HSP90B1: variants seen among roughly 807,000 people sequenced by gnomAD.
HSP90B1 encodes endoplasmin.
HSP90B1 carries 27 observed loss-of-function variants against 100.4 expected under a neutral mutation model. The observed-to-expected ratio is 0.27, with a 90% confidence interval of 0.20 to 0.37. The LOEUF is 0.37. HSP90B1 is among the 10% of genes least tolerant of loss of function. The pLI, the probability that HSP90B1 is intolerant of heterozygous loss-of-function variation, is 1.00. For missense variants in HSP90B1, 678 were observed against 960.5 expected (o/e 0.71, Z 3.89); for synonymous variants, 304 against 330.8 (o/e 0.92, Z 0.88).
rs774276560 is a variant in HSP90B1, at chr12:103,941,789, C to T, written c.1309-43C>T. On this transcript the variant is annotated intron_variant, in intron 10 of 17. Coordinates refer to ENST00000299767, the MANE Select transcript of HSP90B1 (RefSeq NM_003299.3). ...GTGTTTGTTTGGCTTTGCTTTCTTCCAGTGGTTTTATTGCTCACTGAACTT... is the reference window on the plus strand; with the variant it reads ...GTGTTTGTTTGGCTTTGCTTTCTTCTAGTGGTTTTATTGCTCACTGAACTT... 11 of 1,604,208 alleles carry T rather than the reference C, an allele frequency of 6.9e-6. No homozygotes were observed. In the African/African-American group the frequency reaches 1.5e-4, roughly 21 times the overall value.
chr12:103,941,994 T>G, intron 11 of HSP90B1, 97 bp downstream of exon 11: 1 of 862,132 alleles, frequency 1.2e-6, no homozygotes. Context: ...TTGGGTCTGG[T>G]CCATGATTCT....
chr12:103,932,781 C>CA, intron 3 of HSP90B1, 45 bp from the exon 4 acceptor site: 1 of 962,190 alleles, frequency 1.0e-6, no homozygotes, highest in South Asian at 1.3e-5. Flanking sequence ...TATCTTAATG[C>CA]ATCTTGAGGA....
At chr12:103,936,622 CAAAAAAAAAAAA>C (rs10611658) in intron 5 of HSP90B1, among the ~76,000 whole-genome samples, 2 of 116,824 alleles carry the variant, frequency 1.7e-5, no homozygotes, top group African/African-American at 3.2e-5. Context: ...GACAGAGGTC[CAAAAAAAAAAAA>C]AAAAAAAAAA....
chr12:103,945,240 G>A (rs1049445384), intron 14 of HSP90B1, among the ~76,000 whole-genome samples: 4 of 152,134 alleles, frequency 2.6e-5, no homozygotes, highest in Admixed American at 6.5e-5. Context: ...AGAGTTCGAG[G>A]CTGTAGTGTG....
At chr12:103,940,697 CA>C in intron 8 of HSP90B1, among the ~76,000 whole-genome samples, 1 of 151,870 alleles carries the variant, frequency 6.6e-6, no homozygotes, top group South Asian at 2.1e-4. Flanking sequence ...AGAAGCCATA[CA>C]AAAAAAGGAA....
At chr12:103,946,326 A>G (rs1870229428) in intron 14 of HSP90B1, among the ~76,000 whole-genome samples, 1 of 152,164 alleles carries the variant, frequency 6.6e-6, no homozygotes, top group African/African-American at 2.4e-5. Context: ...TGCCCTGTGG[A>G]ACCCGTGTAT....
At chr12:103,936,622 CAAAAA>C (rs10611658) in intron 5 of HSP90B1, among the ~76,000 whole-genome samples, 33 of 116,788 alleles carry the variant, frequency 2.8e-4, no homozygotes, top group African/African-American at 3.9e-4. Context: ...GACAGAGGTC[CAAAAA>C]AAAAAAAAAA....
At chr12:103,947,564 A>C (rs1478660727) in intron 17 of HSP90B1, 69 bp from the exon 18 acceptor site, 1 of 1,564,786 alleles carries the variant, frequency 6.4e-7, no homozygotes, top group Non-Finnish European at 8.7e-7. Context: ...TTTCATGCAC[A>C]AACCTGTGAG....
intron 1 of HSP90B1, among the ~76,000 whole-genome samples, chr12:103,931,177 G>A (rs956566175): frequency 6.6e-6 from 1 of 152,190 alleles, no homozygotes; most frequent in Non-Finnish European, 1.5e-5. Context: ...CGAAGTTTTG[G>A]CTTGATCAGT....
intron 5 of HSP90B1, among the ~76,000 whole-genome samples, chr12:103,936,795 C>T (rs1869933037): frequency 6.6e-6 from 1 of 152,166 alleles, no homozygotes; most frequent in African/African-American, 2.4e-5. Flanking sequence ...CTTCTACTTG[C>T]ATCCAAAACT....
In HSP90B1 at chr12:103,934,231, A is replaced by G. The variant is rs759280015; in HGVS notation, c.687A>G (p.Glu229=). ...TQHIWESDSN[E]FSVIADPRGN... Reference sequence around the variant, plus strand: ...ACATCTGGGAGTCTGACTCCAATGAATTTTCTGTAATTGCTGACCCAAGAG... The same window carrying G: ...ACATCTGGGAGTCTGACTCCAATGAGTTTTCTGTAATTGCTGACCCAAGAG... Residue 229 remains glutamate, a synonymous_variant, in exon 5 of 18, where the codon GAA becomes GAG. Transcript: ENST00000299767. 5.0e-6 allele frequency: 8 copies of G among 1,614,180 alleles called. No individual in the cohort carries two copies. In the Admixed American group the frequency reaches 1.3e-4, roughly 27 times the overall value.
At position 103,947,300 on chromosome 12, in the gene HSP90B1, G is replaced by C; in HGVS notation, c.2263-11G>C. On this transcript the variant is annotated splice_polypyrimidine_tract_variant and intron_variant, in intron 16 of 17. Transcript: ENST00000299767. ...CCAAGGCATTAATGGGCCCATAAAT[G>C]TTGTGTTTAGGTGGAAGAAGAGCCC... 2 of 1,578,492 alleles carry C rather than the reference G, an allele frequency of 1.3e-6. No individual in the cohort carries two copies. The highest frequency in any genetic ancestry group is 1.7e-6 in the Non-Finnish European group (2 of 1,168,200).
rs932703629 is a variant in HSP90B1, at chr12:103,943,456, T to C, written c.1890+137T>C. The C allele has an allele frequency of 4.8e-5, 39 of 821,016 alleles. No individual in the cohort carries two copies. Among genetic ancestry groups the C allele is most frequent in the Admixed American group, 1.2e-4 (4 of 34,416 alleles). The allele number at this position is 821,016 out of a possible 1,614,324, so 50.9% of individuals were successfully genotyped here. ...AAATTTAATTAATGTAATTAAATTA[T>C]TGGGAGAAAGCTTAAAACTTTCGAC... On this transcript the variant is annotated intron_variant, in intron 13 of 17. Coordinates refer to ENST00000299767, the MANE Select transcript of HSP90B1 (RefSeq NM_003299.3). This position sits in a 1 kb window ranked among gnomAD's most constrained non-coding sequence, Gnocchi z 5.3.
At chr12:103,932,979 AAG>A in intron 4 of HSP90B1, 37 bp downstream of exon 4, 2 of 1,062,742 alleles carry the variant, frequency 1.9e-6, no homozygotes, top group Non-Finnish European at 2.9e-6. Flanking sequence ...TTTAAAGGAA[AAG>A]GAATCCTTAA....
At position 103,942,600 on chromosome 12, in the gene HSP90B1, C is replaced by T; in HGVS notation, c.1448C>T (p.Thr483Ile). Reference sequence around the variant, plus strand: ...ATTGCTGATGATAAATACAATGATACTTTTTGGAAAGAATTTGGTACCAAC... The same window carrying T: ...ATTGCTGATGATAAATACAATGATATTTTTTGGAAAGAATTTGGTACCAAC... ...KKIADDKYND[T>I]FWKEFGTNIK... Residue 483 changes from threonine to isoleucine, a missense_variant, in exon 12 of 18, where the codon ACT (threonine) becomes ATT (isoleucine). Coordinates refer to ENST00000299767, the MANE Select transcript of HSP90B1 (RefSeq NM_003299.3). 6.2e-7 allele frequency: 1 copy of T among 1,613,908 alleles called. No homozygotes were observed.
At chr12:103,945,911 C>T (rs532334747) in intron 14 of HSP90B1, among the ~76,000 whole-genome samples, 12 of 151,550 alleles carry the variant, frequency 7.9e-5, no homozygotes, top group Admixed American at 6.6e-4. Flanking sequence ...TAGTGATACC[C>T]TGTCTCTATA....
chr12:103,933,660 A>G (rs1869828456), intron 4 of HSP90B1, among the ~76,000 whole-genome samples: 1 of 152,216 alleles, frequency 6.6e-6, no homozygotes, highest in Non-Finnish European at 1.5e-5. Context: ...AAGACATAAA[A>G]TTTTATTTTT....
At chr12:103,946,756 A>G (rs368440910) in intron 15 of HSP90B1, 30 bp from the exon 16 acceptor site, 195 of 1,613,340 alleles carry the variant, frequency 1.2e-4, no homozygotes, top group Non-Finnish European at 1.6e-4. Flanking sequence ...ATCTTTTAAT[A>G]TTAATCTAGT....
At chr12:103,935,816 G>C (rs1869899218) in intron 5 of HSP90B1, among the ~76,000 whole-genome samples, 1 of 152,200 alleles carries the variant, frequency 6.6e-6, no homozygotes, top group South Asian at 2.1e-4. Context: ...GTTAATGTCA[G>C]GTTGCTAAGA....
Sources: gnomAD v4.1 joint callset for allele counts (sites outside exome capture counted in the v4.1 genomes callset) on GRCh38, gnomAD v4.1.1 for gene constraint, Gnocchi (gnomAD v3.1) non-coding constraint, MANE v1.5 for transcripts, NCBI Gene and HGNC (gene_info 2026-07-23, HGNC 2026-07-21) for gene names.